The following SGCG variants were observed in gnomAD, a reference collection of about 807,000 sequenced individuals.
The protein encoded by SGCG is gamma-sarcoglycan.
SGCG carries 26 observed loss-of-function variants against 29.3 expected under a neutral mutation model. That is an observed-to-expected ratio of 0.89 (90% CI 0.65 to 1.23). The LOEUF is 1.23. Ranked by LOEUF, SGCG falls within the 50% of genes most tolerant of loss-of-function variation. SGCG has a pLI of 0.00. For synonymous variants in SGCG, 145 were observed against 129.7 expected (o/e 1.12, Z -0.80); for missense variants, 353 against 356.0 (o/e 0.99, Z 0.07).
intron 4 of SGCG, among the ~76,000 whole-genome samples, chr13:23,275,142 T>G (rs1312657216): frequency 6.8e-6 from 1 of 148,016 alleles, no homozygotes; most frequent in Non-Finnish European, 1.5e-5. Context: ...TATATATATA[T>G]AGAAATGAGG....
chr13:23,212,005 T>TA (rs1280748780), intron 2 of SGCG, among the ~76,000 whole-genome samples: 5 of 152,164 alleles, frequency 3.3e-5, no homozygotes, highest in Admixed American at 3.3e-4. Flanking sequence ...GTTGTCCTGA[T>TA]AGAGTTATCA....
At chr13:23,304,686 C>T (rs1318699433) in intron 6 of SGCG, among the ~76,000 whole-genome samples, 2 of 152,102 alleles carry the variant, frequency 1.3e-5, no homozygotes, top group African/African-American at 4.8e-5. Context: ...TCACTGCAGC[C>T]TCTGCCTCCT....
In SGCG at chr13:23,254,832, C is replaced by G. The variant is rs1427086757; in HGVS notation, c.385+4115C>G. On this transcript the variant is annotated intron_variant, in intron 4 of 7. Transcript: ENST00000218867. ...GCTGTGCCTCAAAGGGCCCCAGATA[C>G]TACTCAGGCCATCGCTGTGGAAGGC... Among the ~76,000 whole-genome samples the G allele has an allele frequency of 3.9e-5, 6 of 152,326 alleles. No homozygotes were observed. In the East Asian group the frequency reaches 1.2e-3, roughly 29 times the overall value.
At chr13:23,168,160 G>A in the SGCG span, among the ~76,000 whole-genome samples, 9 of 152,224 alleles carry the variant, frequency 5.9e-5, no homozygotes, top group East Asian at 1.2e-3. Context: ...CTCCCATTCC[G>A]TGACTGGTTT....
intron 4 of SGCG, among the ~76,000 whole-genome samples, chr13:23,262,458 C>A (rs537297724): frequency 6.6e-6 from 1 of 151,904 alleles, no homozygotes; most frequent in South Asian, 2.1e-4. Context: ...GAAGCTATAA[C>A]AATCCTCAAT....
At chr13:23,215,145 G>A (rs1363205168) in intron 2 of SGCG, among the ~76,000 whole-genome samples, 1 of 152,154 alleles carries the variant, frequency 6.6e-6, no homozygotes, top group Admixed American at 6.5e-5. Context: ...CTAAGCTTCA[G>A]GCTCTTGCTG....
the SGCG span, among the ~76,000 whole-genome samples, chr13:23,161,904 A>G: frequency 6.6e-6 from 1 of 152,282 alleles, no homozygotes; most frequent in African/African-American, 2.4e-5. Context: ...ATTAACGTGT[A>G]TGATACACTT....
chr13:23,298,105 C>G (rs932414742), intron 6 of SGCG, among the ~76,000 whole-genome samples: 10 of 151,554 alleles, frequency 6.6e-5, no homozygotes, highest in Non-Finnish European at 1.5e-4. Context: ...CCTGTAATCC[C>G]AGCACTTTGG....
At chr13:23,211,716 G>A (rs187929528) in intron 2 of SGCG, among the ~76,000 whole-genome samples, 138 of 152,326 alleles carry the variant, frequency 9.1e-4, no homozygotes, top group Middle Eastern at 3.4e-3. Flanking sequence ...TACCTCTGCA[G>A]TCTTGTTCTA....
At chr13:23,274,862 T>C (rs1881010007) in intron 4 of SGCG, among the ~76,000 whole-genome samples, 1 of 152,080 alleles carries the variant, frequency 6.6e-6, no homozygotes, top group Non-Finnish European at 1.5e-5. Flanking sequence ...TATGAAATTT[T>C]AAAAATTCAT....
intron 6 of SGCG, 36 bp downstream of exon 6, chr13:23,295,523 T>C (rs748679738): frequency 1.4e-6 from 2 of 1,394,930 alleles, no homozygotes; most frequent in Non-Finnish European, 1.0e-6. Flanking sequence ...CAACCTCTCC[T>C]GTAGAAGACA....
rs145739452 is a variant in SGCG at position 23,184,237 on chromosome 13, C to T, written c.-1+3162C>T. 2.0e-3 allele frequency among the ~76,000 whole-genome samples: 303 copies of T among 152,286 alleles called. 7 individuals are homozygous for T. Among genetic ancestry groups the T allele is most frequent in the Admixed American group, 0.019 (292 of 15,290 alleles). On this transcript the variant is annotated intron_variant, in intron 1 of 7. Transcript: ENST00000218867. Reference sequence around the variant, plus strand: ...TAAGTGTACCTCAAGAATTTCTTTACGCATTTAGAAGCACAGTATAGTTGA... The same window carrying T: ...TAAGTGTACCTCAAGAATTTCTTTATGCATTTAGAAGCACAGTATAGTTGA...
At chr13:23,215,406 C>T (rs1034785043) in intron 2 of SGCG, among the ~76,000 whole-genome samples, 2 of 151,988 alleles carry the variant, frequency 1.3e-5, no homozygotes, top group African/African-American at 2.4e-5. Flanking sequence ...TTTAGAAAAG[C>T]CTACTTTGAG....
intron 6 of SGCG, among the ~76,000 whole-genome samples, chr13:23,303,591 G>A (rs1882253397): frequency 6.6e-6 from 1 of 152,156 alleles, no homozygotes; most frequent in Non-Finnish European, 1.5e-5. Flanking sequence ...CAGAGAAGAG[G>A]GCATATGCCA....
chr13:23,252,476 G>A (rs1479468385), intron 4 of SGCG, among the ~76,000 whole-genome samples: 1 of 151,996 alleles, frequency 6.6e-6, no homozygotes, highest in Non-Finnish European at 1.5e-5. Context: ...TGGATCATGA[G>A]GTCAGGAGAT....
chr13:23,232,809 C>T (rs1467383741), intron 2 of SGCG, among the ~76,000 whole-genome samples: 1 of 151,948 alleles, frequency 6.6e-6, no homozygotes, highest in African/African-American at 2.4e-5. Context: ...AAGGGGAGGA[C>T]AGTTAGGCAA....
chr13:23,168,042 G>A, the SGCG span, among the ~76,000 whole-genome samples: 1 of 152,054 alleles, frequency 6.6e-6, no homozygotes, highest in African/African-American at 2.4e-5. Context: ...TCGCTCCCTT[G>A]CCCATTTTTT....
upstream of SGCG, chr13:23,180,974 C>T (rs919755726): frequency 1.3e-5 from 2 of 152,174 alleles, no homozygotes; most frequent in African/African-American, 4.8e-5. Context: ...TCATCCTTTG[C>T]TCTCATTCTG....
intron 5 of SGCG, among the ~76,000 whole-genome samples, chr13:23,287,482 G>A (rs75575557): frequency 6.6e-6 from 1 of 152,294 alleles, no homozygotes; most frequent in Non-Finnish European, 1.5e-5. Flanking sequence ...GCCCTGCCTT[G>A]CTGACACCTG....
Sources: allele counts gnomAD v4.1 joint callset (sites outside exome capture counted in the v4.1 genomes callset), GRCh38; gene constraint gnomAD v4.1.1; transcripts MANE v1.5; gene names NCBI Gene and HGNC (gene_info 2026-07-23, HGNC 2026-07-21).